NOX3: variants seen among roughly 807,000 people sequenced by gnomAD.
NOX3 encodes the protein NADPH oxidase 3, also known as NADPH oxidase catalytic subunit-like 3.
A neutral mutation model predicts 76.7 loss-of-function variants in NOX3; 74 were observed. The ratio of observed to expected loss-of-function variants is 0.96; its 90% CI spans 0.80 to 1.17. The LOEUF (loss-of-function observed/expected upper bound fraction) is 1.17. NOX3 is among the 50% of genes most tolerant of loss of function. The pLI, the probability that NOX3 is intolerant of heterozygous loss-of-function variation, is 0.00. For missense variants in NOX3, 695 were observed against 703.3 expected, an observed-to-expected ratio of 0.99 and a Z score of 0.13; for synonymous variants, 263 against 261.1, an observed-to-expected ratio of 1.01 and a Z score of -0.07.
intron 12 of NOX3, among the ~76,000 whole-genome samples, chr6:155,405,362 T>C (rs163007): frequency 0.028 from 4,282 of 152,276 alleles, 107 homozygotes; most frequent in African/African-American, 0.07. Context: ...CTCTGTGACC[T>C]GTCAATACAG....
intron 6 of NOX3, among the ~76,000 whole-genome samples, chr6:155,437,176 C>T (rs949742939): frequency 6.6e-6 from 1 of 152,172 alleles, no homozygotes; most frequent in Non-Finnish European, 1.5e-5. Flanking sequence ...GTCCTATAAT[C>T]CTGCTATATT....
intron 12 of NOX3, among the ~76,000 whole-genome samples, chr6:155,397,972 A>T (rs533145172): frequency 1.3e-5 from 2 of 152,342 alleles, no homozygotes; most frequent in South Asian, 4.1e-4. Context: ...AATGCCTTGC[A>T]ACTTAGCCTA....
At chr6:155,445,923 A>ATTT (rs1437455412) in intron 4 of NOX3, among the ~76,000 whole-genome samples, 2 of 121,936 alleles carry the variant, frequency 1.6e-5, no homozygotes, top group Non-Finnish European at 3.4e-5. Flanking sequence ...ATAGATATAT[A>ATTT]ATATATATGC....
At chr6:155,420,079 C>T (rs1776670376) in intron 10 of NOX3, among the ~76,000 whole-genome samples, 4 of 152,092 alleles carry the variant, frequency 2.6e-5, no homozygotes, top group Admixed American at 2.6e-4. Context: ...AAGGAACTCA[C>T]AGTCTGTTAG....
intron 9 of NOX3, among the ~76,000 whole-genome samples, chr6:155,427,259 G>A (rs183267682): frequency 6.6e-6 from 1 of 152,130 alleles, no homozygotes; most frequent in East Asian, 1.9e-4. Flanking sequence ...CTGAAAGGAG[G>A]CCTGTGACTC....
intron 8 of NOX3, among the ~76,000 whole-genome samples, chr6:155,429,717 C>T (rs1163658202): frequency 6.6e-6 from 1 of 152,168 alleles, no homozygotes; most frequent in Non-Finnish European, 1.5e-5. Context: ...TCTTAGATTT[C>T]AATCTTGTTT....
chr6:155,439,193 G>A (rs977407827), intron 6 of NOX3, among the ~76,000 whole-genome samples: 3 of 152,094 alleles, frequency 2.0e-5, no homozygotes, highest in Non-Finnish European at 4.4e-5. Flanking sequence ...TTTGAAAATT[G>A]TAAAATGGAA....
chr6:155,416,955 T>G (rs1029602307), intron 10 of NOX3, among the ~76,000 whole-genome samples: 1 of 152,034 alleles, frequency 6.6e-6, no homozygotes, highest in African/African-American at 2.4e-5. Context: ...TTTGCCATGT[T>G]GGTCAGGCTG....
rs148777781 is a variant in NOX3 at position 155,409,412 on chromosome 6, G to A, written c.1455+1802C>T. Among the ~76,000 whole-genome samples the A allele has an allele frequency of 2.6e-3, 400 of 152,260 alleles. 2 individuals carry two copies. The highest frequency in any genetic ancestry group is 9.5e-3 in the African/African-American group (393 of 41,546). On this transcript the variant is annotated intron_variant, in intron 11 of 13. Coordinates refer to ENST00000159060, the MANE Select transcript of NOX3 (RefSeq NM_015718.3). ...TGGGAAGGGTCTTAAGGTCCTTGCT[G>A]AGAAGTTCGGGCACCATTTCACACA... is the stretch of plus-strand genomic sequence containing the variant.
intron 4 of NOX3, among the ~76,000 whole-genome samples, chr6:155,444,102 G>T (rs1041583193): frequency 6.6e-6 from 1 of 152,142 alleles, no homozygotes; most frequent in Non-Finnish European, 1.5e-5. Flanking sequence ...TATTGTTTTT[G>T]TTCTCTTTCA....
At chr6:155,446,693 A>T (rs1313427074) in intron 4 of NOX3, among the ~76,000 whole-genome samples, 1 of 152,192 alleles carries the variant, frequency 6.6e-6, no homozygotes, top group Non-Finnish European at 1.5e-5. Context: ...TAAAACTCTG[A>T]ATGGTTTACC....
chr6:155,417,708 C>T (rs2114685951), intron 10 of NOX3, among the ~76,000 whole-genome samples: 1 of 152,260 alleles, frequency 6.6e-6, no homozygotes, highest in Non-Finnish European at 1.5e-5. Flanking sequence ...TCAAAGTAAA[C>T]AGATTAAATT....
intron 10 of NOX3, among the ~76,000 whole-genome samples, chr6:155,413,432 T>C (rs1776580378): frequency 1.3e-5 from 2 of 148,746 alleles, no homozygotes; most frequent in Non-Finnish European, 1.5e-5. Flanking sequence ...GCACAGGGAG[T>C]TGGCGAGCAG....
rs1365670324 is a variant in NOX3, at chr6:155,423,737, C to CT, written c.1146-882dup. 2.0e-5 allele frequency among the ~76,000 whole-genome samples: 3 copies of CT among 149,106 alleles called. No homozygotes were observed. The East Asian group carries it at 5.9e-4, about 29-fold the overall frequency. On this transcript the variant is annotated intron_variant, in intron 9 of 13. Transcript: ENST00000159060. ...CTCCAGTTTCTGTTCTTTTCTTTTTCTTTTTCTTTTTTTTTTTTTTTTGAG... is the reference window on the plus strand; with the variant it reads ...CTCCAGTTTCTGTTCTTTTCTTTTTCTTTTTTCTTTTTTTTTTTTTTTTGAG...
intron 5 of NOX3, among the ~76,000 whole-genome samples, chr6:155,442,194 G>A (rs1777002224): frequency 6.6e-6 from 1 of 152,100 alleles, no homozygotes; most frequent in Non-Finnish European, 1.5e-5. Flanking sequence ...AATCCGGGAG[G>A]CGGAGCTTGC....
At chr6:155,422,280 G>T (rs1162720318) in intron 10 of NOX3, among the ~76,000 whole-genome samples, 2 of 152,184 alleles carry the variant, frequency 1.3e-5, no homozygotes, top group African/African-American at 4.8e-5. Context: ...AATCCCAATT[G>T]TGGCTTCTTG....
At position 155,411,311 on chromosome 6, in the gene NOX3, G is replaced by A. The variant is rs1776548080; in HGVS notation, c.1358C>T (p.Ala453Val). Residue 453 changes from alanine (A) to valine (V), a missense_variant, in exon 11 of 14, where the codon GCT becomes GTT. By Grantham distance (64) the Ala-to-Val change is moderately conservative. Coordinates refer to ENST00000159060, the MANE Select transcript of NOX3 (RefSeq NM_015718.3). Reference sequence around the variant, plus strand: ...TGTTTCCAGGGAGAGTAAGAGATCAGCAAACCACTCAAAAGCTCTTGCATC... The same window carrying A: ...TGTTTCCAGGGAGAGTAAGAGATCAACAAACCACTCAAAAGCTCTTGCATC... ...CRDARAFEWF[A>V]DLLLSLETRM... 1.2e-6 allele frequency: 2 copies of A among 1,613,910 alleles called. No homozygotes were observed. Among genetic ancestry groups the A allele is most frequent in the Non-Finnish European group, 1.7e-6 (2 of 1,179,964 alleles).
intron 9 of NOX3, 58 bp downstream of exon 9, chr6:155,428,736 T>G: frequency 2.8e-6 from 4 of 1,436,746 alleles, no homozygotes; most frequent in Non-Finnish European, 3.7e-6. Context: ...GTTGATACAT[T>G]AAGATACCTT....
At chr6:155,405,487 C>T (rs1048727597) in intron 12 of NOX3, among the ~76,000 whole-genome samples, 12 of 152,172 alleles carry the variant, frequency 7.9e-5, no homozygotes, top group African/African-American at 1.4e-4. Context: ...GTGCTCACAC[C>T]TCTGGCTGAA....
Sources: gnomAD v4.1 joint callset for allele counts (sites outside exome capture counted in the v4.1 genomes callset) on GRCh38, gnomAD v4.1.1 for gene constraint, MANE v1.5 for transcripts, NCBI Gene and HGNC (gene_info 2026-07-23, HGNC 2026-07-21) for gene names.